WWOX: variants seen among roughly 807,000 people sequenced by gnomAD.
The protein encoded by WWOX is WW domain-containing oxidoreductase.
Under a neutral mutation model 46.2 loss-of-function variants are expected in WWOX, and 69 were observed. The observed-to-expected ratio is 1.49, with a 90% CI of 1.23 to 1.82. WWOX has a LOEUF of 1.82. Among genes scored for constraint, WWOX ranks in the 40% most tolerant of loss-of-function variants. The probability of loss-of-function intolerance (pLI) is 0.00; values close to 1 mark genes in which losing one functional copy is unlikely to be tolerated. For missense variants in WWOX, 919 were observed against 542.6 expected, an observed-to-expected ratio of 1.69 and a Z score of -6.89; for synonymous variants, 359 against 202.6, an observed-to-expected ratio of 1.77 and a Z score of -6.56.
chr16:78,180,780 G>A (rs565165683), intron 5 of WWOX, among the ~76,000 whole-genome samples: 1 of 152,278 alleles, frequency 6.6e-6, no homozygotes, highest in Non-Finnish European at 1.5e-5. Context: ...GGGGGCATAT[G>A]TTAGGGCTAG....
At chr16:79,100,076 G>T (rs1430841522) in intron 8 of WWOX, among the ~76,000 whole-genome samples, 1 of 152,156 alleles carries the variant, frequency 6.6e-6, no homozygotes, top group Admixed American at 6.5e-5. Flanking sequence ...GACCATCTAA[G>T]ATTATCTCCC....
intron 8 of WWOX, among the ~76,000 whole-genome samples, chr16:78,584,177 C>T (rs1265201061): frequency 1.3e-5 from 2 of 152,202 alleles, no homozygotes; most frequent in East Asian, 3.9e-4. Flanking sequence ...CTAAGACTAA[C>T]ACAAGGCCTG....
chr16:78,726,584 G>C (rs891653325), intron 8 of WWOX, among the ~76,000 whole-genome samples: 9 of 152,080 alleles, frequency 5.9e-5, no homozygotes, highest in Admixed American at 5.2e-4. Flanking sequence ...TGGGATAGTA[G>C]GTAAATTAAT....
chr16:78,846,703 T>G (rs1159161534), intron 8 of WWOX, among the ~76,000 whole-genome samples: 2 of 152,226 alleles, frequency 1.3e-5, no homozygotes, highest in Non-Finnish European at 1.5e-5. Flanking sequence ...TTTTTTCCTT[T>G]GTAATTAATA....
At chr16:78,872,970 G>C (rs1473593725) in intron 8 of WWOX, 2 of 152,010 alleles carry the variant, frequency 1.3e-5, no homozygotes, top group Non-Finnish European at 2.9e-5. Flanking sequence ...GCTAATCTTT[G>C]TGTTTCTGTA....
intron 8 of WWOX, among the ~76,000 whole-genome samples, chr16:79,012,729 G>A (rs751554520): frequency 3.3e-5 from 5 of 152,174 alleles, no homozygotes; most frequent in East Asian, 1.9e-4. Context: ...GGACGTATAC[G>A]TGCCCTTTTT....
intron 6 of WWOX, among the ~76,000 whole-genome samples, chr16:78,412,768 A>G (rs561148857): frequency 6.6e-6 from 1 of 152,296 alleles, no homozygotes; most frequent in East Asian, 1.9e-4. Flanking sequence ...TGGTGATAGA[A>G]TGGAATTCAT....
At position 79,117,875 on chromosome 16, in the gene WWOX, G is replaced by A. The variant is rs1044998475; in HGVS notation, c.1057-93733G>A. Among the ~76,000 whole-genome samples, 20 of 152,290 alleles carry A rather than the reference G, an allele frequency of 1.3e-4. No homozygotes were observed. In the East Asian group the frequency reaches 2.9e-3, roughly 22 times the overall value. ...TATAGAGAGTGAGGGCCTTGCTCTGGATTAGATTTTGGCTTCAGGGAATGT... is the reference window on the plus strand; with the variant it reads ...TATAGAGAGTGAGGGCCTTGCTCTGAATTAGATTTTGGCTTCAGGGAATGT... On this transcript the variant is annotated intron_variant, in intron 8 of 8. Coordinates refer to ENST00000566780, the MANE Select transcript of WWOX (RefSeq NM_016373.4).
In WWOX at chr16:78,424,687, G is replaced by A. The variant is rs67266598; in HGVS notation, c.606-183G>A. 0.05 allele frequency among the ~76,000 whole-genome samples: 7,606 copies of A among 151,978 alleles called. 451 individuals carry two copies. Among genetic ancestry groups the A allele is most frequent in the African/African-American group, 0.14 (5,752 of 41,392 alleles). The stretch of plus-strand genomic sequence containing the variant: ...CACTCAAAGCCTTGTGACATTCTAG[G>A]GTATCCTATTTCTACATGGTGGGAA... On this transcript the variant is annotated intron_variant, in intron 6 of 8. Coordinates refer to ENST00000566780, the MANE Select transcript of WWOX (RefSeq NM_016373.4).
intron 8 of WWOX, among the ~76,000 whole-genome samples, chr16:79,008,271 C>T (rs1309352307): frequency 2.0e-5 from 3 of 152,180 alleles, no homozygotes; most frequent in Admixed American, 6.5e-5. Flanking sequence ...CTGAAGGAGG[C>T]TCCCCCATGC....
intron 8 of WWOX, among the ~76,000 whole-genome samples, chr16:78,843,431 C>T (rs1007804008): frequency 2.0e-5 from 3 of 149,880 alleles, no homozygotes; most frequent in South Asian, 4.4e-4. Context: ...TGCTAAGATG[C>T]GAATGCCCAG....
chr16:78,456,701 C>T (rs921387523), intron 8 of WWOX, among the ~76,000 whole-genome samples: 3 of 152,132 alleles, frequency 2.0e-5, no homozygotes, highest in African/African-American at 7.2e-5. Context: ...GGATGTAAGA[C>T]AGATTCTAAG....
intron 5 of WWOX, among the ~76,000 whole-genome samples, chr16:78,266,698 A>C (rs1470595866): frequency 6.6e-6 from 1 of 152,028 alleles, no homozygotes; most frequent in Non-Finnish European, 1.5e-5. Flanking sequence ...GGTTGTATGG[A>C]ATGAACCAAG....
intron 5 of WWOX, among the ~76,000 whole-genome samples, chr16:78,296,777 A>T (rs906715326): frequency 6.6e-6 from 1 of 152,134 alleles, no homozygotes; most frequent in South Asian, 2.1e-4. Context: ...AAAGTAACAT[A>T]TGGCTTTGTT....
chr16:78,479,487 T>C (rs1230497326), intron 8 of WWOX, among the ~76,000 whole-genome samples: 1 of 152,214 alleles, frequency 6.6e-6, no homozygotes, highest in East Asian at 1.9e-4. Flanking sequence ...GATGCAAATA[T>C]GGTAGTACTG....
chr16:78,369,212 T>C (rs376904245), intron 5 of WWOX, among the ~76,000 whole-genome samples: 1 of 152,194 alleles, frequency 6.6e-6, no homozygotes, highest in Admixed American at 6.5e-5. Flanking sequence ...ATTCTGAGTT[T>C]ACACAGTGAT....
At chr16:78,354,154 G>C (rs951273751) in intron 5 of WWOX, among the ~76,000 whole-genome samples, 1 of 152,082 alleles carries the variant, frequency 6.6e-6, no homozygotes, top group Admixed American at 6.6e-5. Flanking sequence ...ATGCAGCTTT[G>C]TGTTTTGGTT....
intron 8 of WWOX, among the ~76,000 whole-genome samples, chr16:78,459,321 A>T (rs2083898112): frequency 6.6e-6 from 1 of 152,204 alleles, no homozygotes; most frequent in South Asian, 2.1e-4. Context: ...GTTTTAACGG[A>T]CATGGTATCC....
intron 5 of WWOX, among the ~76,000 whole-genome samples, chr16:78,233,111 G>A (rs2037322095): frequency 6.6e-6 from 1 of 152,218 alleles, no homozygotes; most frequent in Admixed American, 6.5e-5. Flanking sequence ...TTTGGCTGAA[G>A]ATGATCACTT....
Sources: allele counts gnomAD v4.1 joint callset (sites outside exome capture counted in the v4.1 genomes callset), GRCh38; gene constraint gnomAD v4.1.1; transcripts MANE v1.5; gene names NCBI Gene and HGNC (gene_info 2026-07-23, HGNC 2026-07-21).